RMND1: variants seen among roughly 807,000 people sequenced by gnomAD.
RMND1 encodes required for meiotic nuclear division 1 homolog, also known as required for meiotic nuclear division protein 1 homolog.
In RMND1, 41 loss-of-function variants were observed where a neutral mutation model predicts 54.0. The observed-to-expected ratio is 0.76, with a 90% CI of 0.59 to 0.98. RMND1 has a LOEUF of 0.98. Ranked by LOEUF, RMND1 falls within the 50% of genes least tolerant of loss-of-function variation. RMND1 has a pLI of 0.00. For synonymous variants in RMND1, 183 were observed against 181.7 expected, an observed-to-expected ratio of 1.01 and a Z score of -0.06; for missense variants, 457 against 532.0, an observed-to-expected ratio of 0.86 and a Z score of 1.39.
At chr6:151,418,094 C>T (rs976416412) in intron 9 of RMND1, among the ~76,000 whole-genome samples, 8 of 152,120 alleles carry the variant, frequency 5.3e-5, no homozygotes, top group Non-Finnish European at 1.2e-4. Flanking sequence ...GTGTGAGCCA[C>T]CATTCCCAGC....
chr6:151,446,631 G>A (rs1325794450), intron 1 of RMND1, among the ~76,000 whole-genome samples: 3 of 151,760 alleles, frequency 2.0e-5, no homozygotes, highest in Non-Finnish European at 4.4e-5. Context: ...GGCCACACAT[G>A]GTGGCTCACG....
chr6:151,423,936 C>T (rs1780222344), intron 6 of RMND1, among the ~76,000 whole-genome samples: 2 of 151,374 alleles, frequency 1.3e-5, no homozygotes. Flanking sequence ...CAACCTCAGT[C>T]TCCTAGGTTC....
chr6:151,451,590 T>C (rs1254928636), intron 1 of RMND1, among the ~76,000 whole-genome samples: 2 of 152,126 alleles, frequency 1.3e-5, no homozygotes, highest in Non-Finnish European at 2.9e-5. Context: ...CTCCTGACAA[T>C]AGCGCCCAGC....
At chr6:151,410,057 A>ATT (rs35691230) in intron 10 of RMND1, among the ~76,000 whole-genome samples, 1,477 of 140,436 alleles carry the variant, frequency 0.011, 21 homozygotes, top group Middle Eastern at 0.015. Flanking sequence ...TCTTTGTTCC[A>ATT]TTTTTTTTTT....
intron 10 of RMND1, chr6:151,411,840 G>A (rs991639061): frequency 5.9e-5 from 9 of 152,158 alleles, no homozygotes; most frequent in African/African-American, 2.2e-4. Flanking sequence ...AAAGTAACTG[G>A]TAGTATGAGG....
chr6:151,433,546 C>T (rs994509989), intron 3 of RMND1, among the ~76,000 whole-genome samples: 1 of 152,072 alleles, frequency 6.6e-6, no homozygotes, highest in African/African-American at 2.4e-5. Flanking sequence ...GTCTTAGGTT[C>T]CATACAACTA....
In RMND1 at chr6:151,423,570, C is replaced by T; in HGVS notation, c.892G>A (p.Ala298Thr). ...KLNSELDLDDAILEKFAFSNA... is the reference protein window; with the variant it reads ...KLNSELDLDDTILEKFAFSNA... ...GAGAAAGCAAACTTCTCTAGAATGG[C>T]ATCATCTAAATCCAGCTCTGAATTT... is the stretch of plus-strand genomic sequence containing the variant. The change falls in exon 7 of 12, where the codon GCC (alanine) becomes ACC (threonine). Residue 298 changes from alanine to threonine, a missense_variant. By Grantham distance (58) the Ala-to-Thr change is moderately conservative. Coordinates refer to ENST00000444024, the MANE Select transcript of RMND1 (RefSeq NM_017909.4). The T allele has an allele frequency of 6.2e-7, 1 of 1,613,980 alleles. No homozygotes were observed. The highest frequency in any genetic ancestry group is 8.5e-7 in the Non-Finnish European group (1 of 1,179,908).
intron 2 of RMND1, among the ~76,000 whole-genome samples, chr6:151,439,580 T>C (rs995746066): frequency 2.6e-5 from 4 of 152,248 alleles, no homozygotes; most frequent in African/African-American, 9.6e-5. Flanking sequence ...CTGGCAACTG[T>C]CCCATATACA....
At chr6:151,432,610 A>G (rs1582959348) in intron 4 of RMND1, among the ~76,000 whole-genome samples, 1 of 152,072 alleles carries the variant, frequency 6.6e-6, no homozygotes, top group African/African-American at 2.4e-5. Flanking sequence ...ATTATTTCAC[A>G]CGGTTCTATC....
At chr6:151,450,476 G>T (rs1490251468) in intron 1 of RMND1, among the ~76,000 whole-genome samples, 1 of 84,576 alleles carries the variant, frequency 1.2e-5, no homozygotes, top group South Asian at 3.7e-4. Flanking sequence ...CGTCCGGGAG[G>T]AAGGTGGGGT....
intron 2 of RMND1, among the ~76,000 whole-genome samples, chr6:151,437,903 T>A (rs1041529309): frequency 1.3e-5 from 2 of 152,074 alleles, no homozygotes; most frequent in African/African-American, 4.8e-5. Context: ...CAATAAAGTA[T>A]CTACTCATAA....
intron 1 of RMND1, among the ~76,000 whole-genome samples, chr6:151,447,222 C>T (rs570727263): frequency 6.6e-6 from 1 of 152,188 alleles, no homozygotes; most frequent in Non-Finnish European, 1.5e-5. Context: ...GAGCCGATGG[C>T]CAGATCACCA....
intron 10 of RMND1, among the ~76,000 whole-genome samples, chr6:151,414,351 A>G (rs1312025154): frequency 5.3e-5 from 8 of 152,206 alleles, no homozygotes; most frequent in African/African-American, 1.9e-4. Context: ...ATATGATTGA[A>G]AAACAGAAAC....
intron 10 of RMND1, among the ~76,000 whole-genome samples, chr6:151,406,767 T>C (rs1045994513): frequency 3.9e-5 from 6 of 152,220 alleles, no homozygotes; most frequent in Non-Finnish European, 5.9e-5. Flanking sequence ...GTTACAGGTT[T>C]GGTCAGTGAA....
chr6:151,441,270 T>C (rs889447305), intron 2 of RMND1, among the ~76,000 whole-genome samples: 1 of 152,236 alleles, frequency 6.6e-6, no homozygotes, highest in Admixed American at 6.5e-5. Flanking sequence ...GTTGCTTCTA[T>C]AGTGATATAA....
rs748632649 is a variant in RMND1, at chr6:151,436,440, A to T, written c.613+6T>A. 2.5e-6 allele frequency: 4 copies of T among 1,613,844 alleles called. No homozygotes were observed. Among genetic ancestry groups the T allele is most frequent in the South Asian group, 2.2e-5 (2 of 91,080 alleles). ...CATACTTGGCCCCAGGTTCAAGAAG[A>T]AGTACCTCTAGGCAAGCTTGTTACT... On this transcript the variant is annotated splice_donor_region_variant and intron_variant, in intron 3 of 11. Coordinates refer to ENST00000444024, the MANE Select transcript of RMND1 (RefSeq NM_017909.4).
intron 4 of RMND1, 44 bp downstream of exon 4, chr6:151,433,111 A>T: frequency 7.9e-7 from 1 of 1,272,272 alleles, no homozygotes; most frequent in Non-Finnish European, 1.1e-6. Flanking sequence ...CAATTACTTG[A>T]CCCAAACCCA....
At position 151,425,450 on chromosome 6, in the gene RMND1, G is replaced by A. The variant is rs563637642; in HGVS notation, c.831-1819C>T. Among the ~76,000 whole-genome samples, 17 of 151,050 alleles carry A rather than the reference G, an allele frequency of 1.1e-4. No individual in the cohort carries two copies. The South Asian group carries it at 1.3e-3, about 11-fold the overall frequency. ...CGTGTGTGTGTGTGTGTGGATAAGC[G>A]TACACACACACACACACAAGGGTCT... On this transcript the variant is annotated intron_variant, in intron 6 of 11. Coordinates refer to ENST00000444024, the MANE Select transcript of RMND1 (RefSeq NM_017909.4).
In RMND1 at chr6:151,405,285, G is replaced by T. The variant is rs1779571861; in HGVS notation, c.1318-18C>A. The T allele has an allele frequency of 6.2e-7, 1 of 1,610,350 alleles. No homozygotes were observed. The highest frequency in any genetic ancestry group is 8.5e-7 in the Non-Finnish European group (1 of 1,176,916). On this transcript the variant is annotated intron_variant, in intron 11 of 11. Transcript: ENST00000444024. ...AACATTACCTTAGAATAGAAAGTGA[G>T]AATTATTTCATGACGGGCAAATTAT...
Sources: allele counts gnomAD v4.1 joint callset (sites outside exome capture counted in the v4.1 genomes callset), GRCh38; gene constraint gnomAD v4.1.1; transcripts MANE v1.5; gene names NCBI Gene and HGNC (gene_info 2026-07-23, HGNC 2026-07-21).